The following BCAS4 variants were observed in gnomAD, a reference collection of about 807,000 sequenced individuals.
BCAS4 encodes breast carcinoma-amplified sequence 4.
In BCAS4, 9 loss-of-function variants were observed where a neutral mutation model predicts 15.7. That is an observed-to-expected ratio of 0.57 (90% confidence interval 0.34 to 1.00). The LOEUF (loss-of-function observed/expected upper bound fraction) is 1.00. Ranked by LOEUF, BCAS4 falls within the 50% of genes least tolerant of loss-of-function variation. BCAS4 has a pLI of 0.02. For synonymous variants in BCAS4, 101 were observed against 99.5 expected, an observed-to-expected ratio of 1.02 and a Z score of -0.09; for missense variants, 225 against 239.1, an observed-to-expected ratio of 0.94 and a Z score of 0.39.
At chr20:50,840,748 A>C (rs1316188758) in intron 3 of BCAS4, 3 of 1,609,670 alleles carry the variant, frequency 1.9e-6, no homozygotes, top group Non-Finnish European at 2.5e-6. Flanking sequence ...TTTGTCAGAC[A>C]TGGTTACGGA....
chr20:50,881,146 C>T (rs6096156), downstream of BCAS4: 54,097 of 151,918 alleles, frequency 0.36, 10,418 homozygotes, highest in African/African-American at 0.52. Flanking sequence ...GGGAAGATTG[C>T]TCGAGCCAGG....
intron 4 of BCAS4, among the ~76,000 whole-genome samples, chr20:50,859,281 T>TGGATGTGGAACCCAC (rs1448974005): frequency 6.6e-6 from 1 of 152,146 alleles, no homozygotes; most frequent in Admixed American, 6.5e-5. Context: ...GTTGAACGCA[T>TGGATGTGGAACCCAC]GGATGTGGAA....
At chr20:50,847,660 C>T (rs2088562612) in intron 4 of BCAS4, among the ~76,000 whole-genome samples, 1 of 152,204 alleles carries the variant, frequency 6.6e-6, no homozygotes, top group Admixed American at 6.6e-5. Flanking sequence ...TTCTTCTTTC[C>T]ATCACATATT....
intron 4 of BCAS4, among the ~76,000 whole-genome samples, chr20:50,842,644 C>G (rs1047414540): frequency 6.6e-6 from 1 of 152,146 alleles, no homozygotes; most frequent in African/African-American, 2.4e-5. Context: ...TCTCGAAGTC[C>G]TGACCTCAGG....
At chr20:50,796,580 C>T (rs1217896484) in intron 1 of BCAS4, among the ~76,000 whole-genome samples, 8 of 131,864 alleles carry the variant, frequency 6.1e-5, no homozygotes, top group Non-Finnish European at 7.8e-5. Context: ...CTGCAACCTC[C>T]GCCTCCCAGG....
chr20:50,860,187 A>G (rs1187469014), intron 4 of BCAS4, among the ~76,000 whole-genome samples: 2 of 152,144 alleles, frequency 1.3e-5, no homozygotes, highest in Non-Finnish European at 2.9e-5. Context: ...CCCAGTGGTA[A>G]CATGCTTCAA....
chr20:50,864,439 A>ATTTTTT (rs397866091), intron 4 of BCAS4, among the ~76,000 whole-genome samples: 1 of 97,882 alleles, frequency 1.0e-5, no homozygotes, highest in Non-Finnish European at 2.0e-5. Context: ...ATCATGATTG[A>ATTTTTT]TTTTTTTTTT....
intron 4 of BCAS4, among the ~76,000 whole-genome samples, chr20:50,861,330 A>G (rs6067574): frequency 0.45 from 67,805 of 152,072 alleles, 18,152 homozygotes; most frequent in African/African-American, 0.77. Context: ...TCGGGATCTC[A>G]TTCCCTTATC....
At chr20:50,802,178 A>G (rs1480586217) in intron 1 of BCAS4, among the ~76,000 whole-genome samples, 1 of 152,106 alleles carries the variant, frequency 6.6e-6, no homozygotes, top group African/African-American at 2.4e-5. Flanking sequence ...AGCCTGGGTG[A>G]CAGAGCAAGA....
At chr20:50,815,645 G>C (rs1325994170) in intron 1 of BCAS4, among the ~76,000 whole-genome samples, 1 of 152,226 alleles carries the variant, frequency 6.6e-6, no homozygotes, top group African/African-American at 2.4e-5. Flanking sequence ...CCAGCTGTGA[G>C]ATGAAGGTTG....
Position 50,795,637 on chromosome 20 carries a change from A to G in BCAS4, c.90+464A>G, listed in dbSNP as rs1191664476. On this transcript the variant is annotated intron_variant, in intron 1 of 4. Transcript: ENST00000371608. ...ATTTTAAAAGCACCAAGTGAAAAGC[A>G]GATCTAAAACGAGACCCTCTACCTT... is the stretch of plus-strand genomic sequence containing the variant. Among the ~76,000 whole-genome samples, 4 of 152,254 alleles carry G rather than the reference A, an allele frequency of 2.6e-5. No homozygotes were observed. The East Asian group carries it at 5.8e-4, about 22-fold the overall frequency.
In BCAS4 at chr20:50,855,398, G is replaced by A. The variant is rs150505075; in HGVS notation, c.399+13498G>A. 1.6e-4 allele frequency among the ~76,000 whole-genome samples: 25 copies of A among 151,860 alleles called. No homozygotes were observed. In the East Asian group the frequency reaches 3.5e-3, roughly 21 times the overall value. ...CCTATCTGTGCCACTCCATCTCCTCGTCTCTCCTGCCTGTGTCTCTGTCCC... is the reference window on the plus strand; with the variant it reads ...CCTATCTGTGCCACTCCATCTCCTCATCTCTCCTGCCTGTGTCTCTGTCCC... On this transcript the variant is annotated intron_variant, in intron 4 of 4. Coordinates refer to ENST00000371608, the MANE Select transcript of BCAS4 (RefSeq NM_198799.4).
intron 2 of BCAS4, among the ~76,000 whole-genome samples, chr20:50,826,697 C>T (rs2088281500): frequency 6.6e-6 from 1 of 152,110 alleles, no homozygotes; most frequent in Non-Finnish European, 1.5e-5. Flanking sequence ...AGGGGCCAGG[C>T]ACAATGGCTG....
At chr20:50,801,988 A>AG (rs1185033572) in intron 1 of BCAS4, among the ~76,000 whole-genome samples, 1 of 151,666 alleles carries the variant, frequency 6.6e-6, no homozygotes, top group Non-Finnish European at 1.5e-5. Context: ...CTGGGTCCCC[A>AG]GGGGGGGAGT....
rs968545904 is a variant in BCAS4, at chr20:50,807,993, C to T, written c.91-10218C>T. ...CGTGATCTCGGCTCACTGCAGGCTC[C>T]GCCTCCTGGGTTCACGCGATTCTCC... On this transcript the variant is annotated intron_variant, in intron 1 of 4. Transcript: ENST00000371608. Among the ~76,000 whole-genome samples the T allele has an allele frequency of 5.3e-5, 8 of 151,294 alleles. No homozygotes were observed. The South Asian group carries it at 6.3e-4, about 12-fold the overall frequency.
intron 1 of BCAS4, among the ~76,000 whole-genome samples, chr20:50,799,286 C>T (rs2087900655): frequency 6.6e-6 from 1 of 152,166 alleles, no homozygotes; most frequent in South Asian, 2.1e-4. Context: ...TTTGCTTATG[C>T]TCATTTGTAA....
chr20:50,880,438 C>T (rs1476090337), downstream of BCAS4: 1 of 152,222 alleles, frequency 6.6e-6, no homozygotes, highest in Non-Finnish European at 1.5e-5. Context: ...TTGATGGCCT[C>T]TAACCCCTTG....
At position 50,800,559 on chromosome 20, in the gene BCAS4, CTTTTTTTTTT is replaced by C. The variant is rs562113048; in HGVS notation, c.90+5398_90+5407del. On this transcript the variant is annotated intron_variant, in intron 1 of 4. Transcript: ENST00000371608. ...ACCCCTCTTTCTGGTTTGAACATCCCTTTTTTTTTTTTTTTTTTTTTGAGACAGCCTTGTT... is the reference window on the plus strand; with the variant it reads ...ACCCCTCTTTCTGGTTTGAACATCCCTTTTTTTTTTTGAGACAGCCTTGTT... 5.3e-5 allele frequency among the ~76,000 whole-genome samples: 6 copies of C among 112,630 alleles called. No individual in the cohort carries two copies. In the East Asian group the frequency reaches 1.2e-3, roughly 22 times the overall value. The allele number at this position is 112,630 out of a possible 152,430, so 73.9% of individuals were successfully genotyped here.
chr20:50,875,532 A>G (rs1358145299), intron 4 of BCAS4, among the ~76,000 whole-genome samples: 2 of 146,952 alleles, frequency 1.4e-5, no homozygotes, highest in African/African-American at 5.0e-5. Flanking sequence ...TGGGAGGCCG[A>G]GGCGGGCGAG....
Sources: allele counts gnomAD v4.1 joint callset (sites outside exome capture counted in the v4.1 genomes callset), GRCh38; gene constraint gnomAD v4.1.1; transcripts MANE v1.5; gene names NCBI Gene and HGNC (gene_info 2026-07-23, HGNC 2026-07-21).